Variants in SCTR observed in about 807,000 individuals in gnomAD.
The protein encoded by SCTR is pancreatic secretin receptor.
Under a neutral mutation model 60.8 loss-of-function variants are expected in SCTR, and 56 were observed. The observed-to-expected ratio is 0.92, with a 90% CI of 0.74 to 1.15. The LOEUF is 1.15. Ranked by LOEUF, SCTR falls within the 50% of genes most tolerant of loss-of-function variation. The pLI is 0.00. For missense variants in SCTR, 562 were observed against 550.4 expected, an observed-to-expected ratio of 1.02 and a Z score of -0.21; for synonymous variants, 202 against 217.0, an observed-to-expected ratio of 0.93 and a Z score of 0.61.
chr2:119,455,354 A>G (rs1683334430), intron 7 of SCTR, among the ~76,000 whole-genome samples: 1 of 152,264 alleles, frequency 6.6e-6, no homozygotes, highest in Admixed American at 6.5e-5. Flanking sequence ...GCCGGCTCTG[A>G]AGTGATTCAT....
intron 2 of SCTR, among the ~76,000 whole-genome samples, chr2:119,489,296 C>G (rs1314538430): frequency 2.6e-5 from 4 of 152,192 alleles, no homozygotes; most frequent in Non-Finnish European, 5.9e-5. Context: ...GGGGCCTCAC[C>G]TGCCTCCAAG....
intron 3 of SCTR, among the ~76,000 whole-genome samples, chr2:119,477,972 A>G (rs769682363): frequency 6.6e-6 from 1 of 152,252 alleles, no homozygotes; most frequent in African/African-American, 2.4e-5. Flanking sequence ...GCGTATGTAC[A>G]GCAGAATTAT....
chr2:119,471,769 G>A (rs763150170), intron 4 of SCTR, among the ~76,000 whole-genome samples: 2 of 152,162 alleles, frequency 1.3e-5, no homozygotes, highest in Admixed American at 6.5e-5. Flanking sequence ...TTATGGGGAG[G>A]TATCAGAAGA....
chr2:119,522,331 T>C (rs1339112082), intron 1 of SCTR, among the ~76,000 whole-genome samples: 4 of 150,896 alleles, frequency 2.7e-5, no homozygotes, highest in African/African-American at 4.9e-5. Flanking sequence ...AAAAAGGAAA[T>C]ACAAGGGGTA....
chr2:119,523,335 G>A (rs1679343217), intron 1 of SCTR, among the ~76,000 whole-genome samples: 1 of 151,512 alleles, frequency 6.6e-6, no homozygotes. Flanking sequence ...AGCTCAGAGA[G>A]GCCCGGGACT....
chr2:119,495,392 C>G (rs1678307187), intron 1 of SCTR: 1 of 152,332 alleles, frequency 6.6e-6, no homozygotes, highest in South Asian at 2.1e-4. Context: ...GGGACTGGCA[C>G]TCAGCTGTGA....
At chr2:119,504,077 T>C (rs774197138) in intron 1 of SCTR, among the ~76,000 whole-genome samples, 9 of 152,302 alleles carry the variant, frequency 5.9e-5, no homozygotes, top group Non-Finnish European at 8.8e-5. Context: ...AGTAGATCAA[T>C]GGACACAATA....
At chr2:119,514,199 C>A (rs1679041994) in intron 1 of SCTR, among the ~76,000 whole-genome samples, 1 of 152,206 alleles carries the variant, frequency 6.6e-6, no homozygotes, top group Admixed American at 6.5e-5. Flanking sequence ...CCTGAACCAA[C>A]AACTGCCCCC....
intron 7 of SCTR, among the ~76,000 whole-genome samples, chr2:119,455,347 G>A (rs1320470091): frequency 6.6e-6 from 1 of 152,222 alleles, no homozygotes; most frequent in Non-Finnish European, 1.5e-5. Flanking sequence ...GCCATTAGCC[G>A]GCTCTGAAGT....
intron 1 of SCTR, among the ~76,000 whole-genome samples, chr2:119,505,537 T>G (rs928128071): frequency 5.3e-5 from 8 of 151,974 alleles, no homozygotes; most frequent in African/African-American, 1.9e-4. Flanking sequence ...TAAAAAATGA[T>G]GAGTTCATGT....
chr2:119,513,015 G>A (rs1679006131), intron 1 of SCTR, among the ~76,000 whole-genome samples: 1 of 152,164 alleles, frequency 6.6e-6, no homozygotes, highest in African/African-American at 2.4e-5. Flanking sequence ...ATAGTCCTTG[G>A]AAACACTGTG....
At chr2:119,492,400 A>AAGC (rs1678165124) in intron 2 of SCTR, among the ~76,000 whole-genome samples, 1 of 152,244 alleles carries the variant, frequency 6.6e-6, no homozygotes, top group South Asian at 2.1e-4. Context: ...AGTGCTAAAT[A>AAGC]AGCATTCTTT....
At chr2:119,448,983 G>A (rs1303080278) in intron 9 of SCTR, among the ~76,000 whole-genome samples, 2 of 152,156 alleles carry the variant, frequency 1.3e-5, no homozygotes, top group African/African-American at 2.4e-5. Flanking sequence ...GCTGGAGGCA[G>A]CACTCCCTCC....
intron 2 of SCTR, among the ~76,000 whole-genome samples, chr2:119,485,265 T>C (rs1305592477): frequency 6.6e-6 from 1 of 152,260 alleles, no homozygotes; most frequent in African/African-American, 2.4e-5. Flanking sequence ...AAGGGGTTTA[T>C]AGATAAAGAT....
chr2:119,452,195 T>C, intron 8 of SCTR, 116 bp from the exon 9 acceptor site: 1 of 676,624 alleles, frequency 1.5e-6, no homozygotes, highest in Non-Finnish European at 2.7e-6. Context: ...TTTGTGGCAC[T>C]GAGCCCCTGC....
chr2:119,457,822 G>T (rs560894958), intron 7 of SCTR, among the ~76,000 whole-genome samples: 2 of 152,176 alleles, frequency 1.3e-5, no homozygotes, highest in Non-Finnish European at 2.9e-5. Flanking sequence ...TTAGAAACAC[G>T]AGAGTAAATC....
chr2:119,476,281 A>T (rs1425887055), intron 3 of SCTR, among the ~76,000 whole-genome samples: 3 of 152,176 alleles, frequency 2.0e-5, no homozygotes, highest in African/African-American at 7.2e-5. Flanking sequence ...AATTGAGGCC[A>T]GACAGCTGTT....
At chr2:119,454,669 C>T (rs1280343246) in intron 7 of SCTR, among the ~76,000 whole-genome samples, 1 of 152,014 alleles carries the variant, frequency 6.6e-6, no homozygotes, top group Admixed American at 6.6e-5. Flanking sequence ...GCCTGGCCAA[C>T]ATGGCAAAAC....
intron 7 of SCTR, among the ~76,000 whole-genome samples, chr2:119,459,870 C>T (rs1197985586): frequency 6.6e-6 from 1 of 152,180 alleles, no homozygotes; most frequent in Non-Finnish European, 1.5e-5. Context: ...CATGTTCATA[C>T]AGCTGAATCT....
Sources: allele counts gnomAD v4.1 joint callset (sites outside exome capture counted in the v4.1 genomes callset), GRCh38; gene constraint gnomAD v4.1.1; transcripts MANE v1.5; gene names NCBI Gene and HGNC (gene_info 2026-07-23, HGNC 2026-07-21).